PTPRZ1: variants seen among roughly 807,000 people sequenced by gnomAD.
The protein encoded by PTPRZ1 is protein tyrosine phosphatase receptor type Z1.
PTPRZ1 carries 82 observed loss-of-function variants against 214.1 expected under a neutral mutation model. The observed-to-expected ratio is 0.38, with a 90% CI of 0.32 to 0.46. PTPRZ1 has a LOEUF of 0.46. Ranked by LOEUF, PTPRZ1 falls within the 20% of genes least tolerant of loss-of-function variation. PTPRZ1 has a pLI of 1.00. For missense variants in PTPRZ1, 2,603 were observed against 2,748.7 expected, an observed-to-expected ratio of 0.95 and a Z score of 1.19; for synonymous variants, 945 against 987.9, an observed-to-expected ratio of 0.96 and a Z score of 0.81.
chr7:122,031,570 AAT>A lies in PTPRZ1; in HGVS notation c.5166+14_5166+15del. 1 of 1,551,860 alleles carries A rather than the reference AAT, an allele frequency of 6.4e-7. No homozygotes were observed. The highest frequency in any genetic ancestry group is 2.3e-5 in the East Asian group (1 of 44,274). ...ACTGAAGAATTTGAGGTATGATTTTAATATGTCTATTTTAAATAATATAGAAA... is the reference window on the plus strand; with the variant it reads ...ACTGAAGAATTTGAGGTATGATTTTAATGTCTATTTTAAATAATATAGAAA... On this transcript the variant is annotated intron_variant, in intron 15 of 29. Transcript: ENST00000393386.
chr7:121,982,830 G>A (rs1295263241), intron 6 of PTPRZ1, among the ~76,000 whole-genome samples: 1 of 151,918 alleles, frequency 6.6e-6, no homozygotes, highest in Non-Finnish European at 1.5e-5. Flanking sequence ...CTGGAGTGCG[G>A]TGGCGCCATC....
At chr7:122,029,096 G>GTT (rs869169681) in intron 14 of PTPRZ1, among the ~76,000 whole-genome samples, 2 of 146,968 alleles carry the variant, frequency 1.4e-5, no homozygotes, top group Non-Finnish European at 3.0e-5. Flanking sequence ...TGAGAAAAGG[G>GTT]TTTTTTTTTT....
At chr7:121,894,572 A>G (rs1286966985) in intron 1 of PTPRZ1, among the ~76,000 whole-genome samples, 3 of 151,740 alleles carry the variant, frequency 2.0e-5, no homozygotes, top group Non-Finnish European at 4.4e-5. Flanking sequence ...TGCCCGGCTA[A>G]TTTTTGTATT....
chr7:122,042,683 C>G lies in PTPRZ1; in HGVS notation c.5877C>G (p.Val1959=), dbSNP rs997721311. 1 of 1,613,480 alleles carries G rather than the reference C, an allele frequency of 6.2e-7. No homozygotes were observed. Among genetic ancestry groups the G allele is most frequent in the Non-Finnish European group, 8.5e-7 (1 of 1,179,588 alleles). Residue 1959 remains valine, a synonymous_variant, in exon 22 of 30, where the codon GTC becomes GTG. Coordinates refer to ENST00000393386, the MANE Select transcript of PTPRZ1 (RefSeq NM_002851.3). Reference sequence around the variant, plus strand: ...AGCAGATTCAACACGAAGGAACTGTCAACATATTTGGCTTCTTAAAACACA... The same window carrying G: ...AGCAGATTCAACACGAAGGAACTGTGAACATATTTGGCTTCTTAAAACACA... The part of the protein sequence containing the change: ...MLQQIQHEGT[V]NIFGFLKHIR...
intron 13 of PTPRZ1, among the ~76,000 whole-genome samples, chr7:122,027,099 A>G (rs1799225460): frequency 6.6e-6 from 1 of 152,236 alleles, no homozygotes; most frequent in African/African-American, 2.4e-5. Flanking sequence ...GTAGTGACTT[A>G]GTGAGATAGC....
intron 2 of PTPRZ1, among the ~76,000 whole-genome samples, chr7:121,962,585 G>A (rs1375775004): frequency 6.4e-5 from 9 of 140,808 alleles, no homozygotes; most frequent in African/African-American, 2.4e-4. Flanking sequence ...TTTTTTTTTT[G>A]AGACAGTCTT....
At chr7:121,898,875 G>A (rs1794880061) in intron 1 of PTPRZ1, among the ~76,000 whole-genome samples, 1 of 152,162 alleles carries the variant, frequency 6.6e-6, no homozygotes, top group Non-Finnish European at 1.5e-5. Context: ...GTGTGTTCAA[G>A]AAGTAAAATA....
intron 1 of PTPRZ1, among the ~76,000 whole-genome samples, chr7:121,924,273 C>A (rs1795688074): frequency 6.6e-6 from 1 of 151,998 alleles, no homozygotes; most frequent in African/African-American, 2.4e-5. Flanking sequence ...TTGATAGATT[C>A]TTTTTTATAT....
chr7:121,887,470 A>C (rs1794430728), intron 1 of PTPRZ1, among the ~76,000 whole-genome samples: 1 of 152,036 alleles, frequency 6.6e-6, no homozygotes, highest in Non-Finnish European at 1.5e-5. Context: ...TTTTTATTTT[A>C]AAAAAAGGTA....
At chr7:122,033,445 A>G (rs1799441527) in intron 15 of PTPRZ1, among the ~76,000 whole-genome samples, 1 of 151,840 alleles carries the variant, frequency 6.6e-6, no homozygotes, top group Non-Finnish European at 1.5e-5. Context: ...TTCTGAAAGC[A>G]TATTAACTCA....
At chr7:121,917,610 A>G (rs1408642986) in intron 1 of PTPRZ1, among the ~76,000 whole-genome samples, 1 of 152,236 alleles carries the variant, frequency 6.6e-6, no homozygotes, top group East Asian at 1.9e-4. Flanking sequence ...CACATTTTTT[A>G]CAAAGAGTTC....
Position 121,997,452 on chromosome 7 carries a change from C to T in PTPRZ1, c.1114-428C>T, listed in dbSNP as rs754406885. The stretch of plus-strand genomic sequence containing the variant: ...AATAAAAATGTTTATTTCATAATTA[C>T]GTGAAGAAGATAATTCTATTACTGT... On this transcript the variant is annotated intron_variant, in intron 9 of 29. Coordinates refer to ENST00000393386, the MANE Select transcript of PTPRZ1 (RefSeq NM_002851.3). 1.4e-4 allele frequency among the ~76,000 whole-genome samples: 22 copies of T among 151,966 alleles called. No individual in the cohort carries two copies. In the East Asian group the frequency reaches 1.7e-3, roughly 12 times the overall value.
At chr7:121,910,543 G>T (rs990268695) in intron 1 of PTPRZ1, among the ~76,000 whole-genome samples, 4 of 151,922 alleles carry the variant, frequency 2.6e-5, no homozygotes, top group Non-Finnish European at 4.4e-5. Flanking sequence ...GAGCTATTCA[G>T]TATTTCAGTA....
At chr7:122,005,714 G>T (rs944843271) in intron 11 of PTPRZ1, among the ~76,000 whole-genome samples, 1 of 151,948 alleles carries the variant, frequency 6.6e-6, no homozygotes, top group African/African-American at 2.4e-5. Flanking sequence ...TTATATTTGT[G>T]CTGAGTTGTT....
At chr7:122,040,241 C>T (rs1022973712) in intron 20 of PTPRZ1, among the ~76,000 whole-genome samples, 3 of 152,106 alleles carry the variant, frequency 2.0e-5, no homozygotes, top group Non-Finnish European at 4.4e-5. Flanking sequence ...CGAAGAATAA[C>T]GTATTACTCA....
intron 6 of PTPRZ1, 148 bp downstream of exon 6, chr7:121,976,999 T>C (rs1584703230): frequency 3.8e-6 from 2 of 519,918 alleles, no homozygotes; most frequent in East Asian, 6.6e-5. Context: ...CACTTGATAA[T>C]TTATACATTT....
At chr7:121,984,144 A>C in intron 8 of PTPRZ1, 27 bp downstream of exon 8, 1 of 1,583,378 alleles carries the variant, frequency 6.3e-7, no homozygotes, top group Non-Finnish European at 8.6e-7. Flanking sequence ...AATCTTCTAC[A>C]ACTCTCATAG....
intron 8 of PTPRZ1, among the ~76,000 whole-genome samples, chr7:121,985,220 A>G (rs1262869858): frequency 6.6e-6 from 1 of 152,176 alleles, no homozygotes; most frequent in Non-Finnish European, 1.5e-5. Flanking sequence ...TTACATTTCT[A>G]TCAGTAGTAC....
At chr7:121,940,407 A>G (rs1048056595) in intron 2 of PTPRZ1, among the ~76,000 whole-genome samples, 3 of 152,168 alleles carry the variant, frequency 2.0e-5, no homozygotes, top group Admixed American at 2.0e-4. Context: ...AGTGAGATAA[A>G]GACTATGGAC....
Sources: allele counts gnomAD v4.1 joint callset (sites outside exome capture counted in the v4.1 genomes callset), GRCh38; gene constraint gnomAD v4.1.1; transcripts MANE v1.5; gene names NCBI Gene and HGNC (gene_info 2026-07-23, HGNC 2026-07-21).